The following UGGT2 variants were observed in gnomAD, a reference collection of about 807,000 sequenced individuals.
UGGT2 encodes the protein UDP-glucose glycoprotein glucosyltransferase 2, also known as UDP-glucose:glycoprotein glucosyltransferase 2.
Under a neutral mutation model 192.1 loss-of-function variants are expected in UGGT2, and 180 were observed. The ratio of observed to expected loss-of-function variants is 0.94; its 90% confidence interval spans 0.83 to 1.06. UGGT2 has a LOEUF of 1.06. Ranked by LOEUF, UGGT2 falls within the 50% of genes least tolerant of loss-of-function variation. The pLI, the probability that UGGT2 is intolerant of heterozygous loss-of-function variation, is 0.00. For synonymous variants in UGGT2, 580 were observed against 591.0 expected, an observed-to-expected ratio of 0.98 and a Z score of 0.27; for missense variants, 1,849 against 1,795.7, an observed-to-expected ratio of 1.03 and a Z score of -0.54.
At chr13:95,972,761 A>G (rs2050815511) in intron 10 of UGGT2, 90 bp from the exon 11 acceptor site, 1 of 982,188 alleles carries the variant, frequency 1.0e-6, no homozygotes, top group Admixed American at 2.4e-5. Context: ...AAAGAGTCAG[A>G]GAGTAAATAT....
chr13:96,053,009 A>G, intron 1 of UGGT2, 146 bp downstream of exon 1: 1 of 1,137,812 alleles, frequency 8.8e-7, no homozygotes. Flanking sequence ...GTCGGGAAGG[A>G]AGGAGGTGGT....
At chr13:96,026,659 CTTTTTT>C (rs71211702) in intron 2 of UGGT2, among the ~76,000 whole-genome samples, 1 of 101,536 alleles carries the variant, frequency 9.8e-6, no homozygotes, top group Non-Finnish European at 1.9e-5. Flanking sequence ...TTTCACTCTT[CTTTTTT>C]TTTTTTTTTT....
intron 10 of UGGT2, among the ~76,000 whole-genome samples, chr13:95,978,640 AGCAGTT>A (rs1310215701): frequency 6.6e-6 from 1 of 152,196 alleles, no homozygotes; most frequent in African/African-American, 2.4e-5. Context: ...GTTTTCTTCT[AGCAGTT>A]TCACAGTTTC....
intron 4 of UGGT2, among the ~76,000 whole-genome samples, chr13:96,014,649 T>A (rs2052270474): frequency 6.6e-6 from 1 of 152,170 alleles, no homozygotes; most frequent in Admixed American, 6.5e-5. Flanking sequence ...CTGTAACCGA[T>A]GAAGAGACAT....
chr13:95,988,763 A>T (rs2051369133), intron 8 of UGGT2, among the ~76,000 whole-genome samples: 1 of 152,168 alleles, frequency 6.6e-6, no homozygotes, highest in African/African-American at 2.4e-5. Context: ...AAAATGTAAC[A>T]TTCAATATTC....
chr13:95,997,217 A>G (rs1389105225), intron 6 of UGGT2, among the ~76,000 whole-genome samples: 2 of 152,198 alleles, frequency 1.3e-5, no homozygotes, highest in African/African-American at 4.8e-5. Flanking sequence ...GACACCAAGA[A>G]CAACAGAGAC....
chr13:95,806,038 A>C (rs1020851463), intron 38 of UGGT2, among the ~76,000 whole-genome samples: 2 of 147,808 alleles, frequency 1.4e-5, no homozygotes, highest in African/African-American at 4.9e-5. Flanking sequence ...GAGATTATTA[A>C]AAAAAAAAAA....
At chr13:96,026,347 G>A (rs2052663927) in intron 2 of UGGT2, among the ~76,000 whole-genome samples, 1 of 152,078 alleles carries the variant, frequency 6.6e-6, no homozygotes, top group Non-Finnish European at 1.5e-5. Flanking sequence ...TGGAGAAATT[G>A]CAGCATAAAG....
chr13:95,861,162 G>T (rs1156399480), intron 31 of UGGT2, among the ~76,000 whole-genome samples: 2 of 151,840 alleles, frequency 1.3e-5, no homozygotes, highest in Admixed American at 6.6e-5. Flanking sequence ...GTTGTTTTCA[G>T]AACAAAGAAT....
chr13:95,813,353 C>G (rs1884668102), intron 38 of UGGT2, among the ~76,000 whole-genome samples: 1 of 152,170 alleles, frequency 6.6e-6, no homozygotes, highest in South Asian at 2.1e-4. Flanking sequence ...CAAAGTCATA[C>G]ATGTTATGCT....
intron 22 of UGGT2, among the ~76,000 whole-genome samples, chr13:95,897,791 A>T (rs1055078757): frequency 1.3e-5 from 2 of 152,178 alleles, no homozygotes; most frequent in Non-Finnish European, 2.9e-5. Context: ...TTGAAATTAC[A>T]TTTTTCCATT....
chr13:95,936,269 T>C (rs1031798139), intron 17 of UGGT2, among the ~76,000 whole-genome samples: 1 of 152,260 alleles, frequency 6.6e-6, no homozygotes, highest in Non-Finnish European at 1.5e-5. Context: ...GATGCTTCTA[T>C]AGCCTATGCA....
At chr13:95,902,447 C>T (rs141319191) in intron 21 of UGGT2, among the ~76,000 whole-genome samples, 130 of 152,192 alleles carry the variant, frequency 8.5e-4, no homozygotes, top group Non-Finnish European at 1.1e-3. Flanking sequence ...AAGTTTATCT[C>T]CATTGTCTCA....
At chr13:95,934,795 C>G (rs781010658) in intron 17 of UGGT2, among the ~76,000 whole-genome samples, 4 of 152,184 alleles carry the variant, frequency 2.6e-5, no homozygotes, top group Non-Finnish European at 4.4e-5. Flanking sequence ...AGGCATGAAC[C>G]ACCATTTCTG....
intron 38 of UGGT2, among the ~76,000 whole-genome samples, chr13:95,826,032 A>C (rs914648489): frequency 6.6e-6 from 1 of 152,062 alleles, no homozygotes; most frequent in Non-Finnish European, 1.5e-5. Flanking sequence ...ATTCGATATT[A>C]GGAAATATAT....
intron 1 of UGGT2, among the ~76,000 whole-genome samples, chr13:96,046,470 CAAAGAT>C (rs2053312418): frequency 6.6e-6 from 1 of 152,154 alleles, no homozygotes; most frequent in South Asian, 2.1e-4. Context: ...GCAATAAAAA[CAAAGAT>C]AAATAGGAGA....
At chr13:95,868,717 A>C (rs1466957260) in intron 29 of UGGT2, among the ~76,000 whole-genome samples, 1 of 152,192 alleles carries the variant, frequency 6.6e-6, no homozygotes, top group African/African-American at 2.4e-5. Flanking sequence ...AAGGGCATTG[A>C]CAACTTTAGC....
chr13:95,963,857 G>C (rs1437042396), intron 12 of UGGT2, among the ~76,000 whole-genome samples: 1 of 151,952 alleles, frequency 6.6e-6, no homozygotes, highest in Non-Finnish European at 1.5e-5. Flanking sequence ...AATTGAAAAA[G>C]ACAGAAATAA....
chr13:95,845,163 A>AT (rs1163227481), intron 36 of UGGT2, among the ~76,000 whole-genome samples: 1 of 137,838 alleles, frequency 7.3e-6, no homozygotes. Flanking sequence ...GATTCATGAT[A>AT]TAAGATCCTT....
Sources: allele counts gnomAD v4.1 joint callset (sites outside exome capture counted in the v4.1 genomes callset), GRCh38; gene constraint gnomAD v4.1.1; transcripts MANE v1.5; gene names NCBI Gene and HGNC (gene_info 2026-07-23, HGNC 2026-07-21).